FRMD6: variants seen among roughly 807,000 people sequenced by gnomAD.
FRMD6 encodes the protein FERM domain-containing protein 6.
FRMD6 carries 37 observed loss-of-function variants against 73.2 expected under a neutral mutation model. That is an observed-to-expected ratio of 0.51 (90% CI 0.39 to 0.66). The LOEUF (loss-of-function observed/expected upper bound fraction) is 0.66. Ranked by LOEUF, FRMD6 falls within the 30% of genes least tolerant of loss-of-function variation. The pLI is 0.00. For missense variants in FRMD6, 714 were observed against 780.5 expected, an observed-to-expected ratio of 0.91 and a Z score of 1.02; for synonymous variants, 273 against 282.2, an observed-to-expected ratio of 0.97 and a Z score of 0.33.
At position 51,727,902 on chromosome 14, in the gene FRMD6, G is replaced by C. The variant is rs1475795471; in HGVS notation, c.1742G>C (p.Gly581Ala). 2 of 1,614,178 alleles carry C rather than the reference G, an allele frequency of 1.2e-6. No individual in the cohort carries two copies. Among genetic ancestry groups the C allele is most frequent in the Admixed American group, 1.7e-5 (1 of 60,014 alleles). The part of the protein sequence containing the change: ...FGCGHELDEE[G>A]LYCNSCLAQQ... ...TGTGGCCATGAACTGGATGAGGAAGGCCTCTATTGCAACAGTTGCTTGGCC... is the reference window on the plus strand; with the variant it reads ...TGTGGCCATGAACTGGATGAGGAAGCCCTCTATTGCAACAGTTGCTTGGCC... Residue 581 changes from glycine to alanine, a missense_variant, in exon 14 of 14, where the codon GGC (glycine) becomes GCC (alanine). Gly to Ala is a moderately conservative substitution (Grantham distance 60). Coordinates refer to ENST00000344768, the MANE Select transcript of FRMD6 (RefSeq NM_001267046.2).
intron 1 of FRMD6, among the ~76,000 whole-genome samples, chr14:51,521,059 T>C (rs1309255802): frequency 6.6e-6 from 1 of 152,210 alleles, no homozygotes; most frequent in Non-Finnish European, 1.5e-5. Context: ...AAATCTAATC[T>C]ATAGTAATAG....
At chr14:51,539,379 A>G (rs1185275453) in intron 1 of FRMD6, among the ~76,000 whole-genome samples, 1 of 152,074 alleles carries the variant, frequency 6.6e-6, no homozygotes, top group Non-Finnish European at 1.5e-5. Context: ...ATTTTGACCA[A>G]TGTCTATTTC....
chr14:51,552,425 A>G (rs1886891018), intron 1 of FRMD6, among the ~76,000 whole-genome samples: 1 of 152,232 alleles, frequency 6.6e-6, no homozygotes, highest in African/African-American at 2.4e-5. Context: ...TAGCCTTTGA[A>G]TTCCCTGCCA....
intron 1 of FRMD6, among the ~76,000 whole-genome samples, chr14:51,516,639 G>A: frequency 6.6e-6 from 1 of 152,154 alleles, no homozygotes; most frequent in East Asian, 1.9e-4. Context: ...AAGTGCTTGT[G>A]CTTCCCTGAA....
At chr14:51,587,179 G>A (rs7144301) in intron 2 of FRMD6, among the ~76,000 whole-genome samples, 97,595 of 152,096 alleles carry the variant, frequency 0.64, 32,532 homozygotes, top group Non-Finnish European at 0.74. Context: ...TATTTTTGAT[G>A]ACTTTGCCAA....
At chr14:51,624,423 G>A (rs919154441) in intron 2 of FRMD6, among the ~76,000 whole-genome samples, 4 of 152,182 alleles carry the variant, frequency 2.6e-5, no homozygotes, top group African/African-American at 9.6e-5. Flanking sequence ...TCAAAAATTA[G>A]ATAAAGGCAG....
At chr14:51,656,046 G>A (rs940675301) in intron 1 of FRMD6, among the ~76,000 whole-genome samples, 2 of 152,202 alleles carry the variant, frequency 1.3e-5, no homozygotes, top group East Asian at 1.9e-4. Flanking sequence ...ACCAGAGGGG[G>A]CTCTACAGCA....
chr14:51,446,569 C>T, the FRMD6 span, among the ~76,000 whole-genome samples: 3 of 152,026 alleles, frequency 2.0e-5, no homozygotes, highest in African/African-American at 7.3e-5. Context: ...GGAAACCAGA[C>T]AATATGGTTG....
chr14:51,637,739 A>G (rs1194367947), intron 2 of FRMD6: 1 of 152,252 alleles, frequency 6.6e-6, no homozygotes, highest in African/African-American at 2.4e-5. Flanking sequence ...ATTATAAAGT[A>G]GGAATTACAA....
At chr14:51,463,917 A>G in the FRMD6 span, among the ~76,000 whole-genome samples, 1 of 152,316 alleles carries the variant, frequency 6.6e-6, no homozygotes, top group Non-Finnish European at 1.5e-5. Context: ...TCCTGAGCTC[A>G]GATAATTCTC....
intron 2 of FRMD6, among the ~76,000 whole-genome samples, chr14:51,590,288 A>G (rs952731478): frequency 6.6e-6 from 1 of 152,002 alleles, no homozygotes; most frequent in East Asian, 1.9e-4. Context: ...CCAGAGAACT[A>G]TTTTTCAAGT....
intron 2 of FRMD6, among the ~76,000 whole-genome samples, chr14:51,625,323 T>C (rs1891075254): frequency 1.3e-5 from 2 of 152,160 alleles, no homozygotes; most frequent in Admixed American, 1.3e-4. Context: ...AGAAACTAAT[T>C]CAGAAGAGGT....
chr14:51,397,467 G>A, the FRMD6 span, among the ~76,000 whole-genome samples: 124,529 of 152,166 alleles, frequency 0.82, 51,517 homozygotes, highest in African/African-American at 0.93. Flanking sequence ...AGTTTTCAGA[G>A]ATTTGGAAAC....
intron 1 of FRMD6, among the ~76,000 whole-genome samples, chr14:51,527,544 C>T (rs897626767): frequency 3.9e-5 from 6 of 152,148 alleles, no homozygotes; most frequent in Non-Finnish European, 4.4e-5. Context: ...TCCTCCTTTC[C>T]CTGCTTCTCA....
At chr14:51,424,718 A>C in the FRMD6 span, among the ~76,000 whole-genome samples, 73 of 152,344 alleles carry the variant, frequency 4.8e-4, no homozygotes, top group African/African-American at 1.7e-3. Context: ...TCTGTCTCTC[A>C]TTCTTGCAGA....
chr14:51,459,526 C>T, the FRMD6 span, among the ~76,000 whole-genome samples: 3 of 152,100 alleles, frequency 2.0e-5, no homozygotes, highest in Non-Finnish European at 4.4e-5. Context: ...TGCTTTTCTC[C>T]TTGTTTCAAT....
intron 1 of FRMD6, among the ~76,000 whole-genome samples, chr14:51,499,808 G>A (rs1883500860): frequency 6.6e-6 from 1 of 152,162 alleles, no homozygotes; most frequent in Non-Finnish European, 1.5e-5. Context: ...TGGTCACTTG[G>A]TTTCCCAATT....
intron 1 of FRMD6, among the ~76,000 whole-genome samples, chr14:51,675,982 G>T (rs1169106732): frequency 6.6e-6 from 1 of 151,442 alleles, no homozygotes; most frequent in Non-Finnish European, 1.5e-5. Context: ...TTAGCATTTG[G>T]GTATGTTTAA....
chr14:51,568,036 AG>A (rs1413921038), intron 1 of FRMD6, among the ~76,000 whole-genome samples: 1 of 152,278 alleles, frequency 6.6e-6, no homozygotes, highest in African/African-American at 2.4e-5. Flanking sequence ...TAACATCTGT[AG>A]GCATCTTGCC....
Sources: allele counts gnomAD v4.1 joint callset (sites outside exome capture counted in the v4.1 genomes callset), GRCh38; gene constraint gnomAD v4.1.1; transcripts MANE v1.5; gene names NCBI Gene and HGNC (gene_info 2026-07-23, HGNC 2026-07-21).